The following KLHL1 variants were observed in gnomAD, a reference collection of about 807,000 sequenced individuals.
KLHL1 encodes the protein kelch-like protein 1.
A neutral mutation model predicts 77.7 loss-of-function variants in KLHL1; 47 were observed. The observed-to-expected ratio is 0.60, with a 90% CI of 0.48 to 0.77. The LOEUF is 0.77. Ranked by LOEUF, KLHL1 falls within the 30% of genes least tolerant of loss-of-function variation. The pLI is 0.00. For synonymous variants in KLHL1, 360 were observed against 325.2 expected (o/e 1.11, Z -1.15); for missense variants, 925 against 910.8 (o/e 1.02, Z -0.20).
chr13:69,877,029 C>G (rs1171266015), intron 5 of KLHL1, among the ~76,000 whole-genome samples: 1 of 151,426 alleles, frequency 6.6e-6, no homozygotes, highest in African/African-American at 2.4e-5. Context: ...AAGAGCATAA[C>G]TCTGTCCAAA....
chr13:69,961,216 T>A, intron 3 of KLHL1, 92 bp downstream of exon 3: 1 of 1,054,840 alleles, frequency 9.5e-7, no homozygotes, highest in Non-Finnish European at 1.3e-6. Context: ...GAATACAGAA[T>A]TTTTTTTAAA....
At chr13:69,853,033 T>TA (rs1398496381) in intron 5 of KLHL1, among the ~76,000 whole-genome samples, 4 of 152,130 alleles carry the variant, frequency 2.6e-5, no homozygotes, top group African/African-American at 9.6e-5. Flanking sequence ...TTCTAGTACT[T>TA]ACAGTTAAGC....
At chr13:69,803,466 G>A (rs9564618) in intron 6 of KLHL1, among the ~76,000 whole-genome samples, 56,184 of 152,038 alleles carry the variant, frequency 0.37, 10,767 homozygotes, top group African/African-American at 0.47. Flanking sequence ...AATATATGCA[G>A]TGGGTAGAAT....
At chr13:69,725,416 T>C (rs1167959342) in intron 8 of KLHL1, among the ~76,000 whole-genome samples, 1 of 152,096 alleles carries the variant, frequency 6.6e-6, no homozygotes, top group African/African-American at 2.4e-5. Flanking sequence ...GTCCATCTTT[T>C]AGGGTGCACA....
At chr13:69,833,916 T>C (rs1878875012) in intron 6 of KLHL1, among the ~76,000 whole-genome samples, 2 of 151,010 alleles carry the variant, frequency 1.3e-5, no homozygotes, top group South Asian at 4.2e-4. Context: ...AAAAAGGAAC[T>C]AAATAATGGC....
chr13:70,026,328 T>C (rs1885939473), intron 1 of KLHL1, among the ~76,000 whole-genome samples: 1 of 152,132 alleles, frequency 6.6e-6, no homozygotes, highest in African/African-American at 2.4e-5. Flanking sequence ...TTTTAGACAT[T>C]ATTAGTTCAA....
chr13:69,886,683 T>C, intron 4 of KLHL1, among the ~76,000 whole-genome samples: 1 of 152,116 alleles, frequency 6.6e-6, no homozygotes, highest in East Asian at 1.9e-4. Flanking sequence ...TTAAGTAACT[T>C]TAATTTTGTT....
chr13:69,904,179 T>G (rs1333059664), intron 4 of KLHL1, among the ~76,000 whole-genome samples: 12 of 152,068 alleles, frequency 7.9e-5, no homozygotes, highest in Admixed American at 2.6e-4. Flanking sequence ...TAAAATGCAT[T>G]AAGTTTGGAA....
intron 1 of KLHL1, among the ~76,000 whole-genome samples, chr13:70,055,043 G>T (rs961283578): frequency 6.6e-6 from 1 of 151,782 alleles, no homozygotes; most frequent in Non-Finnish European, 1.5e-5. Context: ...TCCAAACCTC[G>T]AGAAAGATAC....
chr13:70,062,748 CTG>C (rs1886921746), intron 1 of KLHL1, among the ~76,000 whole-genome samples: 1 of 152,044 alleles, frequency 6.6e-6, no homozygotes, highest in African/African-American at 2.4e-5. Flanking sequence ...AAACTTGTCT[CTG>C]TGGACAAGCA....
intron 7 of KLHL1, among the ~76,000 whole-genome samples, chr13:69,778,484 C>T (rs1201467862): frequency 1.3e-5 from 2 of 151,966 alleles, no homozygotes; most frequent in African/African-American, 2.4e-5. Context: ...ACATCATTGC[C>T]GAATATAGTA....
chr13:70,074,669 T>C (rs558924520), intron 1 of KLHL1, among the ~76,000 whole-genome samples: 1 of 152,128 alleles, frequency 6.6e-6, no homozygotes, highest in East Asian at 1.9e-4. Flanking sequence ...AGGCAACATT[T>C]TCCAACACCC....
chr13:70,043,973 A>C (rs973619688), intron 1 of KLHL1, among the ~76,000 whole-genome samples: 6 of 152,296 alleles, frequency 3.9e-5, no homozygotes, highest in African/African-American at 1.4e-4. Flanking sequence ...ATTCTTACTC[A>C]TGCTCACAAC....
At chr13:69,852,811 AG>A (rs1879744643) in intron 5 of KLHL1, among the ~76,000 whole-genome samples, 1 of 152,018 alleles carries the variant, frequency 6.6e-6, no homozygotes, top group Admixed American at 6.6e-5. Context: ...GAGTTTCTAA[AG>A]TTTAGGTATG....
chr13:69,815,907 T>A (rs1352128656), intron 6 of KLHL1, among the ~76,000 whole-genome samples: 1 of 151,048 alleles, frequency 6.6e-6, no homozygotes, highest in Non-Finnish European at 1.5e-5. Context: ...AATAGAGAAA[T>A]AAAAAACTGA....
At chr13:69,707,548 TG>T in intron 10 of KLHL1, 76 bp downstream of exon 10, 1 of 1,373,484 alleles carries the variant, frequency 7.3e-7, no homozygotes, top group Non-Finnish European at 1.0e-6. Context: ...GATTACTGTT[TG>T]TATACCCCTC....
chr13:69,966,630 AT>A, intron 2 of KLHL1, among the ~76,000 whole-genome samples: 1 of 151,898 alleles, frequency 6.6e-6, no homozygotes, highest in South Asian at 2.1e-4. Flanking sequence ...ATTTGTACAG[AT>A]TTTTGCATAC....
intron 1 of KLHL1, among the ~76,000 whole-genome samples, chr13:70,058,761 T>C (rs1446873300): frequency 6.6e-6 from 1 of 152,172 alleles, no homozygotes; most frequent in Non-Finnish European, 1.5e-5. Context: ...AAAGTCATCC[T>C]AGGCAAAAAG....
intron 1 of KLHL1, among the ~76,000 whole-genome samples, chr13:70,039,765 G>A (rs552687815): frequency 1.3e-5 from 2 of 150,186 alleles, no homozygotes; most frequent in African/African-American, 4.9e-5. Context: ...TCAGCCTCCT[G>A]AGTAGCTGGA....
Sources: allele counts gnomAD v4.1 joint callset (sites outside exome capture counted in the v4.1 genomes callset), GRCh38; gene constraint gnomAD v4.1.1; transcripts MANE v1.5; gene names NCBI Gene and HGNC (gene_info 2026-07-23, HGNC 2026-07-21).